BABAM2: variants seen among roughly 807,000 people sequenced by gnomAD.
The protein encoded by BABAM2 is BRISC and BRCA1-A complex member 2.
Under a neutral mutation model 54.7 loss-of-function variants are expected in BABAM2, and 31 were observed. The ratio of observed to expected loss-of-function variants is 0.57; its 90% CI spans 0.43 to 0.77. BABAM2 has a LOEUF of 0.77. Among genes scored for constraint, BABAM2 ranks in the 30% least tolerant of loss-of-function variants. BABAM2 has a pLI of 0.00. For missense variants in BABAM2, 364 were observed against 455.8 expected (o/e 0.80, Z 1.83); for synonymous variants, 167 against 162.9 (o/e 1.03, Z -0.19).
At chr2:28,050,462 A>G (rs369431246) in intron 6 of BABAM2, among the ~76,000 whole-genome samples, 1 of 152,252 alleles carries the variant, frequency 6.6e-6, no homozygotes. Context: ...CTGCAGTGCC[A>G]CTCAATATCC....
At chr2:27,984,852 C>A (rs540441294) in intron 3 of BABAM2, among the ~76,000 whole-genome samples, 1 of 152,070 alleles carries the variant, frequency 6.6e-6, no homozygotes, top group East Asian at 1.9e-4. Context: ...CTCCTCCCAC[C>A]CTTTCCCTCG....
intron 10 of BABAM2, among the ~76,000 whole-genome samples, chr2:28,286,378 A>G (rs946718853): frequency 5.3e-5 from 8 of 152,092 alleles, no homozygotes; most frequent in African/African-American, 1.9e-4. Context: ...TTCCCTAGAA[A>G]TGTTCAAGGG....
intron 3 of BABAM2, among the ~76,000 whole-genome samples, chr2:27,960,314 G>C (rs116189730): frequency 1.7e-4 from 26 of 152,296 alleles, no homozygotes; most frequent in African/African-American, 5.3e-4. Flanking sequence ...GGGAGCTAAA[G>C]TATAAGGCAT....
chr2:28,013,455 T>C, intron 4 of BABAM2: 1 of 450,644 alleles, frequency 2.2e-6, no homozygotes, highest in Non-Finnish European at 4.4e-6. Context: ...ATTATGAGTC[T>C]TACCAGTCCT....
chr2:28,197,687 GA>G (rs946714954), intron 7 of BABAM2, among the ~76,000 whole-genome samples: 4 of 152,136 alleles, frequency 2.6e-5, no homozygotes, highest in African/African-American at 4.8e-5. Context: ...ATCATTTGGA[GA>G]ACTTTTAAAA....
intron 4 of BABAM2, among the ~76,000 whole-genome samples, chr2:27,992,068 A>G (rs1475228684): frequency 6.6e-6 from 1 of 152,172 alleles, no homozygotes; most frequent in Non-Finnish European, 1.5e-5. Context: ...ATGAAGTGGT[A>G]TCTCATACCC....
At chr2:28,043,032 A>T (rs74863360) in intron 5 of BABAM2, among the ~76,000 whole-genome samples, 16 of 151,858 alleles carry the variant, frequency 1.1e-4, no homozygotes, top group African/African-American at 7.3e-5. Context: ...TCAAAAAAAT[A>T]AAAAAAATGA....
chr2:28,117,746 T>A (rs1370905806), intron 6 of BABAM2, among the ~76,000 whole-genome samples: 1 of 152,084 alleles, frequency 6.6e-6, no homozygotes, highest in Non-Finnish European at 1.5e-5. Context: ...TCCCAGGTAT[T>A]AGGACAGGAA....
intron 3 of BABAM2, among the ~76,000 whole-genome samples, chr2:27,952,367 G>GT (rs1669795962): frequency 6.6e-6 from 1 of 152,242 alleles, no homozygotes; most frequent in South Asian, 2.1e-4. Flanking sequence ...AGTTATCTTT[G>GT]TATTTCAGAG....
chr2:28,023,669 T>C (rs1014682551), intron 4 of BABAM2, among the ~76,000 whole-genome samples: 1 of 152,224 alleles, frequency 6.6e-6, no homozygotes, highest in African/African-American at 2.4e-5. Flanking sequence ...AGACCCGTTT[T>C]TCCTATAAAT....
rs1040067303 is a variant in BABAM2 at position 27,988,332 on chromosome 2, A to C, written c.300+245A>C. 2.7e-4 allele frequency among the ~76,000 whole-genome samples: 41 copies of C among 152,120 alleles called. 1 individual carries two copies. Among genetic ancestry groups the C allele is most frequent in the Admixed American group, 2.6e-3 (39 of 15,278 alleles). Reference sequence around the variant, plus strand: ...TGAAAGTCTCTAGCATATTGGTTGAAATATTTTTACTTCAGTTTAAAGAGA... The same window carrying C: ...TGAAAGTCTCTAGCATATTGGTTGACATATTTTTACTTCAGTTTAAAGAGA... On this transcript the variant is annotated intron_variant, in intron 4 of 11. Coordinates refer to ENST00000379624, the MANE Select transcript of BABAM2 (RefSeq NM_199191.3).
chr2:28,195,742 C>G (rs1225639966), intron 7 of BABAM2, among the ~76,000 whole-genome samples: 1 of 152,192 alleles, frequency 6.6e-6, no homozygotes, highest in Non-Finnish European at 1.5e-5. Flanking sequence ...GTATTTGACA[C>G]AGGCCATCAG....
chr2:28,230,609 A>G (rs1452479386), intron 7 of BABAM2, among the ~76,000 whole-genome samples: 1 of 151,436 alleles, frequency 6.6e-6, no homozygotes, highest in African/African-American at 2.4e-5. Context: ...CTGTGGTTCC[A>G]GCTACTCAGG....
At chr2:28,143,817 T>G (rs139767979) in intron 7 of BABAM2, among the ~76,000 whole-genome samples, 3 of 152,204 alleles carry the variant, frequency 2.0e-5, no homozygotes, top group African/African-American at 7.2e-5. Context: ...TCGTTGCCAC[T>G]GTTGCCCCCA....
intron 5 of BABAM2, among the ~76,000 whole-genome samples, chr2:28,033,495 C>T (rs1309773221): frequency 4.6e-5 from 7 of 152,048 alleles, no homozygotes; most frequent in African/African-American, 7.2e-5. Context: ...CATCACATGG[C>T]GAGAGGGCTA....
intron 2 of BABAM2, among the ~76,000 whole-genome samples, chr2:27,920,293 A>G (rs140081090): frequency 1.5e-3 from 221 of 152,290 alleles, no homozygotes; most frequent in African/African-American, 4.1e-3. Context: ...TCAAGGCTGA[A>G]TATGTAAGAT....
chr2:28,180,933 G>A (rs1172711920), intron 7 of BABAM2, among the ~76,000 whole-genome samples: 1 of 152,086 alleles, frequency 6.6e-6, no homozygotes, highest in Non-Finnish European at 1.5e-5. Flanking sequence ...CAGGTAGGAT[G>A]GCAATTATTA....
chr2:28,323,567 C>T (rs1690203901), intron 11 of BABAM2, among the ~76,000 whole-genome samples: 1 of 152,170 alleles, frequency 6.6e-6, no homozygotes, highest in African/African-American at 2.4e-5. Flanking sequence ...CTCTGGGGTA[C>T]AGAGAGGTGA....
intron 7 of BABAM2, among the ~76,000 whole-genome samples, chr2:28,166,364 T>A (rs1253230595): frequency 6.6e-6 from 1 of 151,976 alleles, no homozygotes; most frequent in African/African-American, 2.4e-5. Flanking sequence ...GATAATAAGG[T>A]TGAGTGACCA....
Sources: allele counts gnomAD v4.1 joint callset (sites outside exome capture counted in the v4.1 genomes callset), GRCh38; gene constraint gnomAD v4.1.1; transcripts MANE v1.5; gene names NCBI Gene and HGNC (gene_info 2026-07-23, HGNC 2026-07-21).